MUC5B: variants seen among roughly 807,000 people sequenced by gnomAD.
The protein encoded by MUC5B is mucin-5B.
In MUC5B, 116 loss-of-function variants were observed where a neutral mutation model predicts 376.9. The observed-to-expected ratio is 0.31, with a 90% CI of 0.26 to 0.36. The LOEUF is 0.36. Ranked by LOEUF, MUC5B falls within the 10% of genes least tolerant of loss-of-function variation. The pLI, the probability that MUC5B is intolerant of heterozygous loss-of-function variation, is 1.00. For missense variants in MUC5B, 7,165 were observed against 7,769.9 expected (o/e 0.92, Z 2.93); for synonymous variants, 3,517 against 3,390.9 (o/e 1.04, Z -1.29).
chr11:1,230,416 T>C (rs897783616), intron 11 of MUC5B, 74 bp from the exon 12 acceptor site: 13 of 1,365,704 alleles, frequency 9.5e-6, no homozygotes, highest in Admixed American at 2.1e-5. Flanking sequence ...CACATGGGCA[T>C]CCCCAGCACA....
chr11:1,226,225 A>G lies in MUC5B; in HGVS notation c.148A>G (p.Thr50Ala), dbSNP rs1861877621. The change falls in exon 3 of 49, where the codon ACC becomes GCC. Residue 50 changes from threonine (T) to alanine (A), a missense_variant. By Grantham distance (58) the Thr-to-Ala change is moderately conservative. This residue lies in a region of MUC5B where 640 missense variants were observed against 733.0 expected (regional missense o/e 0.87). Transcript: ENST00000529681. ...MDGGAPTSSPTRRVSFVPPVT... is the reference protein window; with the variant it reads ...MDGGAPTSSPARRVSFVPPVT... Reference sequence around the variant, plus strand: ...CACAGGTGCCCCGACGTCCTCGCCCACCCGGCGCGTGAGCTTTGTTCCACC... The same window carrying G: ...CACAGGTGCCCCGACGTCCTCGCCCGCCCGGCGCGTGAGCTTTGTTCCACC... 4 of 1,554,084 alleles carry G rather than the reference A, an allele frequency of 2.6e-6. No individual in the cohort carries two copies. Among genetic ancestry groups the G allele is most frequent in the Non-Finnish European group, 3.5e-6 (4 of 1,150,712 alleles).
chr11:1,232,502 C>A lies in MUC5B; in HGVS notation c.1896C>A (p.Phe632Leu). 6 of 1,611,000 alleles carry A rather than the reference C, an allele frequency of 3.7e-6. No individual in the cohort carries two copies. Among genetic ancestry groups the A allele is most frequent in the Non-Finnish European group, 5.1e-6 (6 of 1,179,208 alleles). ...GCCTGACCGATCCCAACAGTGCCTTCTCGCGCTGCCACTCCATCATCAACC... is the reference window on the plus strand; with the variant it reads ...GCCTGACCGATCCCAACAGTGCCTTATCGCGCTGCCACTCCATCATCAACC... ...CSRLTDPNSAFSRCHSIINPK... is the reference protein window; with the variant it reads ...CSRLTDPNSALSRCHSIINPK... Residue 632 changes from phenylalanine (F) to leucine (L), a missense_variant, in exon 16 of 49, where the codon TTC (phenylalanine) becomes TTA (leucine). Coordinates refer to ENST00000529681, the MANE Select transcript of MUC5B (RefSeq NM_002458.3).
chr11:1,243,249 C>T lies in MUC5B; in HGVS notation c.6369C>T (p.Ser2123=). Residue 2123 remains serine, a synonymous_variant, in exon 31 of 49, where the codon AGC becomes AGT. Coordinates refer to ENST00000529681, the MANE Select transcript of MUC5B (RefSeq NM_002458.3). ...ATGSMATPSS[S]TQTSGTPPSL... ...GTTCTATGGCAACACCCTCCTCTAG[C>T]ACACAGACCAGTGGTACTCCCCCAT... 1 of 1,557,218 alleles carries T rather than the reference C, an allele frequency of 6.4e-7. No individual in the cohort carries two copies. The highest frequency in any genetic ancestry group is 8.7e-7 in the Non-Finnish European group (1 of 1,150,542).
chr11:1,237,009 G>C lies in MUC5B; in HGVS notation c.3142G>C (p.Ala1048Pro). Residue 1048 changes from alanine (A) to proline (P), a missense_variant, in exon 25 of 49, where the codon GCA becomes CCA. By Grantham distance (27) the Ala-to-Pro change is conservative (BLOSUM62 -1). Coordinates refer to ENST00000529681, the MANE Select transcript of MUC5B (RefSeq NM_002458.3). ...GCGTAGCCGGTCCGTGGTGGGGGAC[G>C]CACTGGAGTTTGGGAACAGCTGGAA... ...ATRSRSVVGD[A>P]LEFGNSWKLS... is the part of the protein sequence containing the mutation. The C allele has an allele frequency of 6.4e-7, 1 of 1,573,954 alleles. No homozygotes were observed. The highest frequency in any genetic ancestry group is 1.2e-5 in the South Asian group (1 of 85,256).
At chr11:1,228,818 G>A in intron 8 of MUC5B, 53 bp downstream of exon 8, 2 of 1,432,472 alleles carry the variant, frequency 1.4e-6, no homozygotes, top group Non-Finnish European at 1.8e-6. Context: ...AAGGGGCAGG[G>A]GGAGCGCCTT....
At chr11:1,254,962 G>A in intron 35 of MUC5B, 79 bp from the exon 36 acceptor site, 3 of 956,160 alleles carry the variant, frequency 3.1e-6, no homozygotes, top group Non-Finnish European at 4.7e-6. Context: ...GCCTGGGGAG[G>A]GGAATGAGTG....
intron 48 of MUC5B, 149 bp from the exon 49 acceptor site, chr11:1,261,240 G>A: frequency 1.5e-6 from 1 of 673,928 alleles, no homozygotes; most frequent in Non-Finnish European, 2.5e-6. Flanking sequence ...CTGAGAAGGT[G>A]AAGCCTCACG....
At position 1,229,751 on chromosome 11, in the gene MUC5B, C is replaced by T. The variant is rs1429044116; in HGVS notation, c.1164C>T (p.Thr388=). 1 of 1,601,096 alleles carries T rather than the reference C, an allele frequency of 6.2e-7. No homozygotes were observed. The highest frequency in any genetic ancestry group is 1.1e-5 in the South Asian group (1 of 89,092). The change falls in exon 10 of 49, where the codon ACC becomes ACT. Residue 388 remains threonine (T), a synonymous_variant. Coordinates refer to ENST00000529681, the MANE Select transcript of MUC5B (RefSeq NM_002458.3). The stretch of plus-strand genomic sequence containing the variant: ...TGCCCCTCGGGCAGTGCCCCTGCAC[C>T]CACGGCGGCCGCACCTACAGCCCGG... ...GCLPLGQCPC[T]HGGRTYSPGT...
chr11:1,237,003 G>A lies in MUC5B; in HGVS notation c.3136G>A (p.Gly1046Arg), dbSNP rs757139899. Reference sequence around the variant, plus strand: ...TGCCACGCGTAGCCGGTCCGTGGTGGGGGACGCACTGGAGTTTGGGAACAG... The same window carrying A: ...TGCCACGCGTAGCCGGTCCGTGGTGAGGGACGCACTGGAGTTTGGGAACAG... ...DFATRSRSVV[G>R]DALEFGNSWK... The change falls in exon 25 of 49, where the codon GGG becomes AGG. Residue 1046 changes from glycine to arginine, a missense_variant. Around this residue, in one of 31 missense-constraint regions of MUC5B, gnomAD observed 143 missense variants for 193.2 expected, o/e 0.74. Coordinates refer to ENST00000529681, the MANE Select transcript of MUC5B (RefSeq NM_002458.3). 2.9e-5 allele frequency: 45 copies of A among 1,574,540 alleles called. No homozygotes were observed. The highest frequency in any genetic ancestry group is 3.9e-5 in the Non-Finnish European group (45 of 1,159,946).
At position 1,260,229 on chromosome 11, in the gene MUC5B, TGGGAGGCCCCGCCCCTGCCC is replaced by T. The variant is rs1590194275; in HGVS notation, c.16924-113_16924-94del. 27 of 1,152,562 alleles carry T rather than the reference TGGGAGGCCCCGCCCCTGCCC, an allele frequency of 2.3e-5. No individual in the cohort carries two copies. In the South Asian group the frequency reaches 3.2e-4, roughly 14 times the overall value. The allele number at this position is 1,152,562 out of a possible 1,614,324, so 71.4% of individuals were successfully genotyped here. On this transcript the variant is annotated intron_variant, in intron 46 of 48. Coordinates refer to ENST00000529681, the MANE Select transcript of MUC5B (RefSeq NM_002458.3). ...CTGCCTGGGAAGCCCCACCCCTGCC[TGGGAGGCCCCGCCCCTGCCC>T]GGGAGGCCATGCCCCTGCCCGGGTG...
At position 1,261,702 on chromosome 11, in the gene MUC5B, C is replaced by T. The variant is rs779349228; in HGVS notation, c.*94C>T. On this transcript the variant is annotated 3_prime_UTR_variant, in exon 49 of 49. Coordinates refer to ENST00000529681, the MANE Select transcript of MUC5B (RefSeq NM_002458.3). The stretch of plus-strand genomic sequence containing the variant: ...ACCTTGGGCCTCCTCTGCGGAGCCC[C>T]CCGGCCTGTGTGTGGCACCCCGCGC... 6.8e-5 allele frequency: 88 copies of T among 1,290,884 alleles called. No individual in the cohort carries two copies. The highest frequency in any genetic ancestry group is 3.3e-6 in the Non-Finnish European group (3 of 921,214). The allele number at this position is 1,290,884 out of a possible 1,614,324, so 80.0% of individuals were successfully genotyped here. A position where few individuals can be genotyped will look rare whatever the true frequency, so the allele number is the denominator to read the frequency against.
chr11:1,232,954 T>C, intron 17 of MUC5B, 59 bp from the exon 18 acceptor site: 1 of 1,491,254 alleles, frequency 6.7e-7, no homozygotes, highest in Non-Finnish European at 8.9e-7. Flanking sequence ...GAGTTGAAGA[T>C]GGGGGCTGGC....
intron 31 of MUC5B, 115 bp from the exon 32 acceptor site, chr11:1,252,228 C>T: frequency 9.4e-7 from 1 of 1,059,374 alleles, no homozygotes; most frequent in Non-Finnish European, 1.4e-6. Context: ...CCTCTCCACT[C>T]CCTTCCCTGG....
chr11:1,251,750 G>A lies in MUC5B; in HGVS notation c.14863+7G>A. On this transcript the variant is annotated splice_region_variant and intron_variant, in intron 31 of 48. Coordinates refer to ENST00000529681, the MANE Select transcript of MUC5B (RefSeq NM_002458.3). The stretch of plus-strand genomic sequence containing the variant: ...GGACAGTTTTTCTCGCCCGGTGAGT[G>A]CATGTGGATAACACTGCTGTACCCT... 6.4e-7 allele frequency: 1 copy of A among 1,561,092 alleles called. No homozygotes were observed. The highest frequency in any genetic ancestry group is 1.7e-5 in the Admixed American group (1 of 58,752).
rs1422185681 is a variant in MUC5B, at chr11:1,257,135, C to T, written c.16238-105C>T. Reference sequence around the variant, plus strand: ...CCAAAAGTTCTCCAGGGCCTTCCATCCCGGGGGGAAGCAGGCTCCAGGCCT... The same window carrying T: ...CCAAAAGTTCTCCAGGGCCTTCCATTCCGGGGGGAAGCAGGCTCCAGGCCT... On this transcript the variant is annotated intron_variant, in intron 39 of 48. Transcript: ENST00000529681. The surrounding 1 kb of genome is among the most constrained non-coding windows in gnomAD (Gnocchi z 8.9). The T allele has an allele frequency of 1.3e-6, 1 of 753,816 alleles. No individual in the cohort carries two copies. Among genetic ancestry groups the T allele is most frequent in the African/African-American group, 1.7e-5 (1 of 58,576 alleles). 46.7% of individuals were successfully genotyped at this position (753,816 alleles called of 1,614,324 possible). A position where few individuals can be genotyped will look rare whatever the true frequency, so the allele number is the denominator to read the frequency against.
rs373656061 is a variant in MUC5B at position 1,252,465 on chromosome 11, G to A, written c.14986G>A (p.Ala4996Thr). 2.2e-5 allele frequency: 36 copies of A among 1,604,152 alleles called. No homozygotes were observed. Among genetic ancestry groups the A allele is most frequent in the African/African-American group, 6.7e-5 (5 of 74,614 alleles). Residue 4996 changes from alanine to threonine, a missense_variant, in exon 32 of 49, where the codon GCC becomes ACC. Ala to Thr is a moderately conservative substitution (Grantham distance 58). Coordinates refer to ENST00000529681, the MANE Select transcript of MUC5B (RefSeq NM_002458.3). ...CACCTCCCCACCGCCAGTGTCCTCC[G>A]CCCCGCTGTCCTCGCCCTCCCCTGC... ...CPTSPPPVSS[A>T]PLSSPSPAPG...
rs1177352195 is a variant in MUC5B at position 1,246,432 on chromosome 11, C to T, written c.9552C>T (p.Ser3184=). 2.7e-5 allele frequency: 43 copies of T among 1,613,520 alleles called. No homozygotes were observed. Among genetic ancestry groups the T allele is most frequent in the Non-Finnish European group, 3.6e-5 (43 of 1,179,804 alleles). Residue 3184 remains serine, a synonymous_variant, in exon 31 of 49, where the codon TCC becomes TCT. Transcript: ENST00000529681. ...CCACCGGATCCACGGCCACCGCCTCCTCCACCCGGGCAACTGCTGGCACCC... is the reference window on the plus strand; with the variant it reads ...CCACCGGATCCACGGCCACCGCCTCTTCCACCCGGGCAACTGCTGGCACCC... ...TVPTGSTATA[S]STRATAGTLK...
rs777889939 is a variant in MUC5B, at chr11:1,234,168, C to G, written c.2378-37C>G. The G allele has an allele frequency of 3.3e-6, 5 of 1,532,246 alleles. No individual in the cohort carries two copies. The highest frequency in any genetic ancestry group is 4.4e-6 in the Non-Finnish European group (5 of 1,125,586). The allele number at this position is 1,532,246 out of a possible 1,614,324, so 94.9% of individuals were successfully genotyped here. Reference sequence around the variant, plus strand: ...GGGTCAGTTGAGGGCCGTGGCTGCCCTTCCCCAGGACCCCTCCCACCAAGC... The same window carrying G: ...GGGTCAGTTGAGGGCCGTGGCTGCCGTTCCCCAGGACCCCTCCCACCAAGC... On this transcript the variant is annotated intron_variant, in intron 19 of 48. Coordinates refer to ENST00000529681, the MANE Select transcript of MUC5B (RefSeq NM_002458.3). The surrounding 1 kb of genome is among the most constrained non-coding windows in gnomAD (Gnocchi z 6.3).
In MUC5B at chr11:1,248,504, T is replaced by A. The variant is rs201840224; in HGVS notation, c.11624T>A (p.Val3875Asp). Residue 3875 changes from valine (V) to aspartate (D), a missense_variant, in exon 31 of 49, where the codon GTC (valine) becomes GAC (aspartate). Val to Asp is a radical substitution (Grantham distance 152). This residue lies in a region of MUC5B where 242 missense variants were observed against 199.0 expected (regional missense o/e 1.22). Coordinates refer to ENST00000529681, the MANE Select transcript of MUC5B (RefSeq NM_002458.3). Reference sequence around the variant, plus strand: ...ACTACCACAACCACGGGCTTCACAGTCACCCCCTCCTCCAGCCCAGGGACG... The same window carrying A: ...ACTACCACAACCACGGGCTTCACAGACACCCCCTCCTCCAGCCCAGGGACG... Reference protein sequence around the residue: ...VPTTTTTGFTVTPSSSPGTAR... With the variant: ...VPTTTTTGFTDTPSSSPGTAR... 6.3e-7 allele frequency: 1 copy of A among 1,584,260 alleles called. No individual in the cohort carries two copies. Among genetic ancestry groups the A allele is most frequent in the African/African-American group, 1.4e-5 (1 of 72,648 alleles).
Sources: allele counts gnomAD v4.1 joint callset, GRCh38; gene constraint gnomAD v4.1.1; regional missense constraint gnomAD v4.1.1; non-coding constraint Gnocchi (gnomAD v3.1); transcripts MANE v1.5; gene names NCBI Gene and HGNC (gene_info 2026-07-23, HGNC 2026-07-21).